ACAD11: variants seen among roughly 807,000 people sequenced by gnomAD.
ACAD11 encodes the protein acyl-Coenzyme A dehydrogenase family, member 11.
A neutral mutation model predicts 102.2 loss-of-function variants in ACAD11; 83 were observed. The ratio of observed to expected loss-of-function variants is 0.81; its 90% CI spans 0.68 to 0.97. The LOEUF (loss-of-function observed/expected upper bound fraction) is 0.97. ACAD11 is among the 50% of genes least tolerant of loss of function. The pLI is 0.00. For synonymous variants in ACAD11, 324 were observed against 319.8 expected (o/e 1.01, Z -0.14); for missense variants, 901 against 951.7 (o/e 0.95, Z 0.70).
chr3:132,591,196 C>G (rs10804608), intron 13 of ACAD11, among the ~76,000 whole-genome samples: 56,687 of 151,894 alleles, frequency 0.37, 13,253 homozygotes, highest in East Asian at 0.7. Flanking sequence ...GTGTAAGGTA[C>G]GGGTCCAGCT....
chr3:132,585,539 C>T (rs1308703986), intron 13 of ACAD11, among the ~76,000 whole-genome samples: 1 of 152,166 alleles, frequency 6.6e-6, no homozygotes, highest in Non-Finnish European at 1.5e-5. Context: ...AAACTACCAT[C>T]AGAGTGAACA....
chr3:132,577,880 T>G lies in ACAD11; in HGVS notation c.1775-865A>C, dbSNP rs141729086. Among the ~76,000 whole-genome samples the G allele has an allele frequency of 1.9e-3, 283 of 152,324 alleles. 1 individual carries two copies. Among genetic ancestry groups the G allele is most frequent in the African/African-American group, 6.6e-3 (273 of 41,566 alleles). The stretch of plus-strand genomic sequence containing the variant: ...CATTTTTGGTATCTTTGCGGCCGTT[T>G]CGCTGCAACCCAACAATTTCCTACA... On this transcript the variant is annotated intron_variant, in intron 15 of 19. Transcript: ENST00000264990.
chr3:132,563,900 T>C (rs549930877), intron 17 of ACAD11, among the ~76,000 whole-genome samples: 17 of 152,196 alleles, frequency 1.1e-4, no homozygotes, highest in Non-Finnish European at 2.5e-4. Flanking sequence ...TTAAGTATGA[T>C]GTTAGATTTT....
intron 17 of ACAD11, among the ~76,000 whole-genome samples, chr3:132,564,427 A>T (rs1227176185): frequency 1.3e-5 from 2 of 152,202 alleles, no homozygotes; most frequent in East Asian, 3.9e-4. Context: ...TTTAACTTTG[A>T]ATTCAACTTC....
At chr3:132,583,293 C>T (rs372724340) in intron 13 of ACAD11, among the ~76,000 whole-genome samples, 3 of 152,072 alleles carry the variant, frequency 2.0e-5, no homozygotes, top group African/African-American at 2.4e-5. Flanking sequence ...GTGTATGCGT[C>T]GAGGAATTTA....
intron 5 of ACAD11, among the ~76,000 whole-genome samples, chr3:132,632,571 G>A (rs892007605): frequency 2.7e-4 from 41 of 152,212 alleles, no homozygotes; most frequent in African/African-American, 9.6e-4. Flanking sequence ...GCTCTTTCTT[G>A]GTTCCATATG....
chr3:132,600,371 A>T, intron 13 of ACAD11: 1 of 1,541,838 alleles, frequency 6.5e-7, no homozygotes, highest in South Asian at 1.3e-5. Flanking sequence ...TCTATCCTGT[A>T]TTCTCTTTGC....
intron 5 of ACAD11, among the ~76,000 whole-genome samples, chr3:132,637,591 C>A (rs568116868): frequency 6.6e-6 from 1 of 152,220 alleles, no homozygotes; most frequent in South Asian, 2.1e-4. Context: ...TGACAATATG[C>A]AGATTTTACA....
intron 17 of ACAD11, among the ~76,000 whole-genome samples, chr3:132,564,201 T>G (rs942664651): frequency 2.0e-5 from 3 of 152,218 alleles, no homozygotes; most frequent in African/African-American, 7.2e-5. Context: ...CGGTAATACT[T>G]TGCTGGTGGT....
chr3:132,635,517 C>T (rs1940239117), intron 5 of ACAD11, among the ~76,000 whole-genome samples: 1 of 152,148 alleles, frequency 6.6e-6, no homozygotes, highest in Non-Finnish European at 1.5e-5. Flanking sequence ...ATCAGACAGG[C>T]CTGTATTCAG....
At chr3:132,586,102 T>C (rs1350940510) in intron 13 of ACAD11, among the ~76,000 whole-genome samples, 31 of 152,110 alleles carry the variant, frequency 2.0e-4, no homozygotes, top group South Asian at 4.2e-4. Flanking sequence ...AAATGTCCAA[T>C]AATGATAGAC....
At chr3:132,628,593 G>A (rs1939915638) in intron 7 of ACAD11, 147 bp from the exon 8 acceptor site, 3 of 548,808 alleles carry the variant, frequency 5.5e-6, no homozygotes, top group Admixed American at 3.4e-5. Context: ...TAATGTACAT[G>A]CAGGGGTAAT....
At chr3:132,600,530 C>T in intron 13 of ACAD11, 1 of 1,613,882 alleles carries the variant, frequency 6.2e-7, no homozygotes, top group Non-Finnish European at 8.5e-7. Context: ...AGTTTTCCTC[C>T]CTGTATTCCT....
chr3:132,614,920 C>T (rs1006548845), intron 11 of ACAD11, among the ~76,000 whole-genome samples: 1 of 152,060 alleles, frequency 6.6e-6, no homozygotes, highest in African/African-American at 2.4e-5. Context: ...TTTTGCACTT[C>T]ATCCATCTGA....
Position 132,659,620 on chromosome 3 carries a change from C to G in ACAD11, c.132G>C (p.Leu44=). 1 of 1,610,088 alleles carries G rather than the reference C, an allele frequency of 6.2e-7. No homozygotes were observed. The highest frequency in any genetic ancestry group is 8.5e-7 in the Non-Finnish European group (1 of 1,178,404). ...SGFGAEREAT[L]TIAQYRAGKS... Reference sequence around the variant, plus strand: ...ATCCATACCTGTACTGGGCAATGGTCAGCGTAGCCTCACGTTCGGCCCCAA... The same window carrying G: ...ATCCATACCTGTACTGGGCAATGGTGAGCGTAGCCTCACGTTCGGCCCCAA... The change falls in exon 1 of 20, where the codon CTG becomes CTC. Residue 44 remains leucine, a synonymous_variant. Coordinates refer to ENST00000264990, the MANE Select transcript of ACAD11 (RefSeq NM_032169.5).
intron 17 of ACAD11, among the ~76,000 whole-genome samples, chr3:132,562,927 A>G (rs1224541266): frequency 6.6e-6 from 1 of 152,136 alleles, no homozygotes; most frequent in East Asian, 1.9e-4. Flanking sequence ...TTTTTCCACT[A>G]TGTTTTCTTC....
At chr3:132,641,353 C>T (rs533463338) in intron 4 of ACAD11, among the ~76,000 whole-genome samples, 15 of 152,118 alleles carry the variant, frequency 9.9e-5, no homozygotes, top group African/African-American at 3.4e-4. Flanking sequence ...ACCATCCTGG[C>T]TAACACGGTG....
Position 132,657,070 on chromosome 3 carries a change from T to G in ACAD11, c.149+2533A>C, listed in dbSNP as rs149150750. 6.9e-4 allele frequency among the ~76,000 whole-genome samples: 105 copies of G among 152,328 alleles called. 1 individual carries two copies. The highest frequency in any genetic ancestry group is 2.0e-3 in the African/African-American group (82 of 41,580). On this transcript the variant is annotated intron_variant, in intron 1 of 19. Coordinates refer to ENST00000264990, the MANE Select transcript of ACAD11 (RefSeq NM_032169.5). ...GTGGTTTCTGCTGTTGTCTTTAAAATATTTTCTTCTCTAAAGTCAAAAATA... is the reference window on the plus strand; with the variant it reads ...GTGGTTTCTGCTGTTGTCTTTAAAAGATTTTCTTCTCTAAAGTCAAAAATA...
Position 132,569,921 on chromosome 3 carries a change from C to T in ACAD11, c.2001+5851G>A, listed in dbSNP as rs148297092. 1.9e-3 allele frequency among the ~76,000 whole-genome samples: 284 copies of T among 152,234 alleles called. 1 individual carries two copies. The highest frequency in any genetic ancestry group is 6.4e-3 in the African/African-American group (265 of 41,554). ...TCATGACAACATCCTGGTCCTGATACTATATTCTAGTTTTGCAAGATGTTA... is the reference window on the plus strand; with the variant it reads ...TCATGACAACATCCTGGTCCTGATATTATATTCTAGTTTTGCAAGATGTTA... On this transcript the variant is annotated intron_variant, in intron 17 of 19. Coordinates refer to ENST00000264990, the MANE Select transcript of ACAD11 (RefSeq NM_032169.5).
Sources: allele counts gnomAD v4.1 joint callset (sites outside exome capture counted in the v4.1 genomes callset), GRCh38; gene constraint gnomAD v4.1.1; transcripts MANE v1.5; gene names NCBI Gene and HGNC (gene_info 2026-07-23, HGNC 2026-07-21).